EIF5A: variants seen among roughly 807,000 people sequenced by gnomAD.
EIF5A encodes eukaryotic translation initiation factor 5A-1.
In EIF5A, 1 loss-of-function variant was observed where a neutral mutation model predicts 16.6. The observed-to-expected ratio is 0.06, with a 90% CI of 0.02 to 0.28. EIF5A has a LOEUF of 0.28. Ranked by LOEUF, EIF5A falls within the 10% of genes least tolerant of loss-of-function variation. The pLI, the probability that EIF5A is intolerant of heterozygous loss-of-function variation, is 1.00. For missense variants in EIF5A, 29 were observed against 196.1 expected (o/e 0.15, Z 5.09); for synonymous variants, 80 against 73.6 (o/e 1.09, Z -0.44).
intron 2 of EIF5A, 147 bp from the exon 3 acceptor site, chr17:7,310,871 C>G: frequency 7.0e-7 from 1 of 1,422,656 alleles, no homozygotes; most frequent in Non-Finnish European, 9.2e-7. Flanking sequence ...TTTACTGTTT[C>G]TTGAGTTGAC....
intron 2 of EIF5A, chr17:7,310,024 A>C (rs2072767602): frequency 6.6e-7 from 1 of 1,510,854 alleles, no homozygotes; most frequent in South Asian, 1.2e-5. Context: ...ATTCTCTGGC[A>C]GTCCCTCCGT....
In EIF5A at chr17:7,307,646, AGCAGCGGCGGCGGCGGTAGAG is replaced by A. The variant is rs751169482; in HGVS notation, c.-125_-105del. The stretch of plus-strand genomic sequence containing the variant: ...CGCCTGCGTACTAAGACCCGTGTGC[AGCAGCGGCGGCGGCGGTAGAG>A]GCGGCGGCGGCGGCGGCAGCGGGCT... On this transcript the variant is annotated 5_prime_UTR_variant, in exon 1 of 6. Transcript: ENST00000336458. The A allele has an allele frequency of 6.6e-5, 69 of 1,051,102 alleles. No individual in the cohort carries two copies. Among genetic ancestry groups the A allele is most frequent in the Non-Finnish European group, 7.3e-5 (64 of 872,878 alleles). The allele number at this position is 1,051,102 out of a possible 1,614,324, so 65.1% of individuals were successfully genotyped here. A position where few individuals can be genotyped will look rare whatever the true frequency, so the allele number is the denominator to read the frequency against.
intron 2 of EIF5A, chr17:7,310,522 T>C: frequency 8.7e-7 from 1 of 1,151,216 alleles, no homozygotes; most frequent in Non-Finnish European, 1.1e-6. Flanking sequence ...CTCTAGTGTC[T>C]GGATCCCTCT....
intron 3 of EIF5A, 52 bp downstream of exon 3, chr17:7,311,174 G>A (rs370610176): frequency 5.6e-6 from 9 of 1,600,626 alleles, no homozygotes; most frequent in African/African-American, 5.3e-5. Flanking sequence ...GTGGAGGGAG[G>A]GGTTGGGGGA....
rs1402937433 is a variant in EIF5A at position 7,309,657 on chromosome 17, G to C, written c.22G>C (p.Glu8Gln). 1 of 1,614,198 alleles carries C rather than the reference G, an allele frequency of 6.2e-7. No homozygotes were observed. The highest frequency in any genetic ancestry group is 2.2e-5 in the East Asian group (1 of 44,886). The change falls in exon 2 of 6, where the codon GAG (glutamate) becomes CAG (glutamine). Residue 8 changes from glutamate to glutamine, a missense_variant. Physicochemically the swap from Glu to Gln is conservative, Grantham distance 29. Coordinates refer to ENST00000336458, the MANE Select transcript of EIF5A (RefSeq NM_001970.5). Reference protein sequence around the residue: MADDLDFETGDAGASATF... With the variant: MADDLDFQTGDAGASATF... ...TAAAATGGCAGATGACTTGGACTTC[G>C]AGACAGGAGATGCAGGGGCCTCAGC...
At chr17:7,308,271 G>T (rs2072692738) in intron 1 of EIF5A, 1 of 1,055,414 alleles carries the variant, frequency 9.5e-7, no homozygotes, top group Non-Finnish European at 1.2e-6. Context: ...CCTCGGGGTC[G>T]CAGGCCGCAT....
intron 1 of EIF5A, chr17:7,308,522 G>T (rs761723757): frequency 1.5e-6 from 2 of 1,351,562 alleles, no homozygotes; most frequent in Admixed American, 3.8e-5. Flanking sequence ...AACCTCAAGG[G>T]CCCCAGGAGC....
At chr17:7,307,825 C>T in intron 1 of EIF5A, 73 bp downstream of exon 1, 1 of 146,988 alleles carries the variant, frequency 6.8e-6, no homozygotes, top group South Asian at 2.5e-4. Flanking sequence ...GCGCGGGGGT[C>T]GGGGAGGGGG....
At position 7,310,909 on chromosome 17, in the gene EIF5A, G is replaced by C. The variant is rs144378815; in HGVS notation, c.166-109G>C. ...GTTCAATTCCAACACTCCAGTCTTT[G>C]CCCCAACAATGTAATTCTGACTTCC... On this transcript the variant is annotated intron_variant, in intron 2 of 5. Coordinates refer to ENST00000336458, the MANE Select transcript of EIF5A (RefSeq NM_001970.5). 7.5e-5 allele frequency: 109 copies of C among 1,461,058 alleles called. No individual in the cohort carries two copies. In the African/African-American group the frequency reaches 1.3e-3, roughly 18 times the overall value. 90.5% of individuals were successfully genotyped at this position (1,461,058 alleles called of 1,614,324 possible). A position where few individuals can be genotyped will look rare whatever the true frequency, so the allele number is the denominator to read the frequency against.
rs562948351 is a variant in EIF5A, at chr17:7,308,955, G to GCTGGGTTC, written c.-21-651_-21-644dup. On this transcript the variant is annotated intron_variant, in intron 1 of 5. Coordinates refer to ENST00000336458, the MANE Select transcript of EIF5A (RefSeq NM_001970.5). ...AAAGTGGGAGGGCCTTCCAGGAGAG[G>GCTGGGTTC]CTGGGTTCCTGGGTTCTCTTTGGGA... 1.8e-4 allele frequency among the ~76,000 whole-genome samples: 28 copies of GCTGGGTTC among 152,336 alleles called. No individual in the cohort carries two copies. The East Asian group carries it at 5.4e-3, about 29-fold the overall frequency.
chr17:7,311,682 TCA>T (rs1439258373), intron 5 of EIF5A, 31 bp downstream of exon 5: 5 of 1,613,292 alleles, frequency 3.1e-6, no homozygotes, highest in Non-Finnish European at 3.4e-6. Context: ...ACTGTCCCCT[TCA>T]CATTTTGTTG....
At chr17:7,307,014 T>C (rs2072642798), upstream of EIF5A, 2 of 1,562,688 alleles carry the variant, frequency 1.3e-6, no homozygotes, top group Non-Finnish European at 1.7e-6. Context: ...ACTAGCGCGC[T>C]AGAAGAGTGG....
chr17:7,309,817 C>G lies in EIF5A; in HGVS notation c.165+17C>G. On this transcript the variant is annotated intron_variant, in intron 2 of 5. Coordinates refer to ENST00000336458, the MANE Select transcript of EIF5A (RefSeq NM_001970.5). ...CACGCCAAGGTTAGAATTTCACCTC[C>G]GCATCTTGCCTTCCCCATGCCTCCA... The G allele has an allele frequency of 6.2e-7, 1 of 1,614,226 alleles. No individual in the cohort carries two copies. The highest frequency in any genetic ancestry group is 8.5e-7 in the Non-Finnish European group (1 of 1,180,042).
chr17:7,309,788 C>T lies in EIF5A; in HGVS notation c.153C>T (p.His51=), dbSNP rs775600471. 6 of 1,614,106 alleles carry T rather than the reference C, an allele frequency of 3.7e-6. No homozygotes were observed. The highest frequency in any genetic ancestry group is 4.2e-6 in the Non-Finnish European group (5 of 1,180,048). The change falls in exon 2 of 6, where the codon CAC becomes CAT. Residue 51 remains histidine, a synonymous_variant. Coordinates refer to ENST00000336458, the MANE Select transcript of EIF5A (RefSeq NM_001970.5). ...VEMSTSKTGK[H]GHAKVHLVGI... is the part of the protein sequence containing the mutation. ...TGTCTACTTCGAAGACTGGCAAGCA[C>T]GGCCACGCCAAGGTTAGAATTTCAC...
At chr17:7,308,830 G>C (rs1310717087) in intron 1 of EIF5A, among the ~76,000 whole-genome samples, 1 of 152,088 alleles carries the variant, frequency 6.6e-6, no homozygotes, top group Non-Finnish European at 1.5e-5. Context: ...CCAACCTTTT[G>C]CTTTCATTTT....
intron 4 of EIF5A, 42 bp downstream of exon 4, chr17:7,311,523 T>C (rs2072827147): frequency 1.2e-6 from 2 of 1,614,096 alleles, no homozygotes; most frequent in Non-Finnish European, 1.7e-6. Context: ...AGCTTTGTTC[T>C]GTACGTTTCT....
chr17:7,308,941 G>A (rs758661863), intron 1 of EIF5A, among the ~76,000 whole-genome samples: 26 of 152,242 alleles, frequency 1.7e-4, no homozygotes, highest in Non-Finnish European at 3.2e-4. Flanking sequence ...AAGTGGGAGG[G>A]CCTTCCAGGA....
intron 1 of EIF5A, chr17:7,308,148 TG>T (rs564033638): frequency 4.9e-3 from 404 of 82,840 alleles, no homozygotes; most frequent in African/African-American, 0.03. Flanking sequence ...GAGGGCATGA[TG>T]GGGGGGGTTG....
intron 2 of EIF5A, chr17:7,310,248 G>A: frequency 7.8e-7 from 1 of 1,289,778 alleles, no homozygotes; most frequent in Non-Finnish European, 1.0e-6. Context: ...TCACCTTGCT[G>A]CTTCGTTCCC....
Sources: allele counts gnomAD v4.1 joint callset (sites outside exome capture counted in the v4.1 genomes callset), GRCh38; gene constraint gnomAD v4.1.1; transcripts MANE v1.5; gene names NCBI Gene and HGNC (gene_info 2026-07-23, HGNC 2026-07-21).